Variants in ZC3H3 observed in about 807,000 individuals in gnomAD.
ZC3H3 encodes zinc finger CCCH-type containing 3.
Under a neutral mutation model 77.3 loss-of-function variants are expected in ZC3H3, and 36 were observed. The ratio of observed to expected loss-of-function variants is 0.47; its 90% CI spans 0.36 to 0.61. The LOEUF (loss-of-function observed/expected upper bound fraction) is 0.61, where lower values mean the gene tolerates loss of function less well. Among genes scored for constraint, ZC3H3 ranks in the 20% least tolerant of loss-of-function variants. The pLI is 0.00. For missense variants in ZC3H3, 1,331 were observed against 1,312.2 expected (o/e 1.01, Z -0.22); for synonymous variants, 626 against 555.2 (o/e 1.13, Z -1.79).
intron 4 of ZC3H3, among the ~76,000 whole-genome samples, chr8:143,487,104 G>C (rs367800377): frequency 1.5e-3 from 4 of 2,656 alleles, no homozygotes; most frequent in Admixed American, 4.3e-3. Context: ...CTCAGACACA[G>C]AACAGCACCC....
intron 3 of ZC3H3, among the ~76,000 whole-genome samples, chr8:143,512,760 C>A (rs1371895318): frequency 6.6e-6 from 1 of 152,254 alleles, no homozygotes; most frequent in South Asian, 2.1e-4. Flanking sequence ...CCTTCAGCCC[C>A]ACAGCCGCAA....
intron 1 of ZC3H3, among the ~76,000 whole-genome samples, chr8:143,539,909 C>T (rs1282084512): frequency 1.3e-5 from 2 of 152,244 alleles, no homozygotes; most frequent in Admixed American, 6.5e-5. Context: ...AGTGAACTGA[C>T]ACAACCACAG....
chr8:143,473,903 G>C (rs1198727112), intron 5 of ZC3H3, among the ~76,000 whole-genome samples: 1 of 152,200 alleles, frequency 6.6e-6, no homozygotes, highest in African/African-American at 2.4e-5. Context: ...ATGACTGCTG[G>C]AGAGAAGCCC....
chr8:143,489,342 G>A (rs1439917940), intron 4 of ZC3H3, among the ~76,000 whole-genome samples: 5 of 152,172 alleles, frequency 3.3e-5, no homozygotes, highest in Non-Finnish European at 7.4e-5. Context: ...CAAGAAGCTG[G>A]GTAGGGTGGG....
intron 4 of ZC3H3, among the ~76,000 whole-genome samples, chr8:143,492,707 G>C (rs1474774751): frequency 0.014 from 1,644 of 117,842 alleles, 4 homozygotes; most frequent in Middle Eastern, 0.041. Flanking sequence ...CCTCCTCAGG[G>C]TCCCGTGTCC....
At chr8:143,531,239 A>G (rs1327447524) in intron 3 of ZC3H3, among the ~76,000 whole-genome samples, 1 of 152,186 alleles carries the variant, frequency 6.6e-6, no homozygotes, top group Non-Finnish European at 1.5e-5. Context: ...GATTCCAGGC[A>G]TGAGCCTCGG....
At chr8:143,453,326 C>G (rs1820034907) in intron 9 of ZC3H3, among the ~76,000 whole-genome samples, 1 of 152,036 alleles carries the variant, frequency 6.6e-6, no homozygotes, top group Non-Finnish European at 1.5e-5. Flanking sequence ...TGGGCTCAAG[C>G]AGTTTGCCCA....
At chr8:143,515,133 G>A (rs1271086740) in intron 3 of ZC3H3, among the ~76,000 whole-genome samples, 2 of 152,178 alleles carry the variant, frequency 1.3e-5, no homozygotes, top group Non-Finnish European at 2.9e-5. Flanking sequence ...TGGGGCCCAG[G>A]CCTGCCATGG....
Position 143,538,847 on chromosome 8 carries a change from A to C in ZC3H3, c.520T>G (p.Ser174Ala). ...GEPPRGQLQP[S>A]RPTRARGTCS... ...GTCCCCCTGGCTCTTGTTGGCCTCG[A>C]GGGCTGCAGCTGTCCCCGAGGGGGC... The change falls in exon 2 of 12, where the codon TCG becomes GCG. Residue 174 changes from serine to alanine, a missense_variant. Physicochemically the swap from Ser to Ala is moderately conservative, Grantham distance 99 (BLOSUM62 1). Transcript: ENST00000262577. 1 of 1,612,332 alleles carries C rather than the reference A, an allele frequency of 6.2e-7. No individual in the cohort carries two copies. The highest frequency in any genetic ancestry group is 8.5e-7 in the Non-Finnish European group (1 of 1,179,708).
At position 143,468,266 on chromosome 8, in the gene ZC3H3, G is replaced by A. The variant is rs1820466132; in HGVS notation, c.2118C>T (p.Gly706=). ...AGGTCCCATCCGTTTTCTTGCAGGTGCCCCGGACAAACCTGCAGCACCAGG... is the reference window on the plus strand; with the variant it reads ...AGGTCCCATCCGTTTTCTTGCAGGTACCCCGGACAAACCTGCAGCACCAGG... ...KVAVCTRFVR[G]TCKKTDGTCP... Residue 706 remains glycine, a synonymous_variant, in exon 8 of 12, where the codon GGC becomes GGT. Coordinates refer to ENST00000262577, the MANE Select transcript of ZC3H3 (RefSeq NM_015117.3). 3 of 1,613,104 alleles carry A rather than the reference G, an allele frequency of 1.9e-6. No individual in the cohort carries two copies. The highest frequency in any genetic ancestry group is 1.7e-6 in the Non-Finnish European group (2 of 1,179,964).
At chr8:143,535,511 G>A (rs952700817) in intron 3 of ZC3H3, among the ~76,000 whole-genome samples, 4 of 152,206 alleles carry the variant, frequency 2.6e-5, no homozygotes, top group Admixed American at 2.0e-4. Context: ...ACAGACGAAC[G>A]TGGCTCCACA....
intron 4 of ZC3H3, among the ~76,000 whole-genome samples, chr8:143,505,171 G>A (rs1439930804): frequency 2.0e-5 from 3 of 152,246 alleles, no homozygotes; most frequent in African/African-American, 7.2e-5. Context: ...AGGGATGGGA[G>A]AGGGAGCTGG....
At chr8:143,497,295 T>C (rs996875993) in intron 4 of ZC3H3, among the ~76,000 whole-genome samples, 2 of 152,194 alleles carry the variant, frequency 1.3e-5, no homozygotes, top group Non-Finnish European at 2.9e-5. Context: ...CACCCAGGCC[T>C]GCCCCAAGGC....
intron 4 of ZC3H3, among the ~76,000 whole-genome samples, chr8:143,498,959 G>A (rs1305687355): frequency 6.6e-6 from 1 of 151,180 alleles, no homozygotes; most frequent in African/African-American, 2.4e-5. Context: ...TACAGGGCGG[G>A]GAAGAGGGGC....
chr8:143,529,231 C>G (rs1046264734), intron 3 of ZC3H3, among the ~76,000 whole-genome samples: 1 of 151,858 alleles, frequency 6.6e-6, no homozygotes, highest in African/African-American at 2.4e-5. Context: ...ACAGGCTGCG[C>G]TGGTCACCGG....
At chr8:143,524,868 G>A (rs1454143585) in intron 3 of ZC3H3, among the ~76,000 whole-genome samples, 1 of 152,238 alleles carries the variant, frequency 6.6e-6, no homozygotes, top group African/African-American at 2.4e-5. Context: ...ACGCTGTGCA[G>A]ACCAACCAGT....
At chr8:143,461,534 G>A (rs1027269477) in intron 9 of ZC3H3, among the ~76,000 whole-genome samples, 2 of 152,086 alleles carry the variant, frequency 1.3e-5, no homozygotes, top group East Asian at 1.9e-4. Context: ...CAAAAGCATC[G>A]GCCACACAAA....
chr8:143,491,793 G>A (rs568803441), intron 4 of ZC3H3, among the ~76,000 whole-genome samples: 4 of 152,356 alleles, frequency 2.6e-5, no homozygotes, highest in African/African-American at 9.6e-5. Flanking sequence ...TGCAGGGTGG[G>A]CCCTAGAGAA....
chr8:143,528,567 G>A (rs899936674), intron 3 of ZC3H3, among the ~76,000 whole-genome samples: 11 of 152,218 alleles, frequency 7.2e-5, no homozygotes, highest in Non-Finnish European at 1.5e-4. Context: ...GCCGGGGATC[G>A]AGGCTGGTGG....
Sources: allele counts gnomAD v4.1 joint callset (sites outside exome capture counted in the v4.1 genomes callset), GRCh38; gene constraint gnomAD v4.1.1; transcripts MANE v1.5; gene names NCBI Gene and HGNC (gene_info 2026-07-23, HGNC 2026-07-21).